PCDHGA2: variants seen among roughly 807,000 people sequenced by gnomAD.
The protein encoded by PCDHGA2 is protocadherin gamma-A2.
In PCDHGA2, 40 loss-of-function variants were observed where a neutral mutation model predicts 59.2. The ratio of observed to expected loss-of-function variants is 0.68; its 90% CI spans 0.52 to 0.88. The LOEUF (loss-of-function observed/expected upper bound fraction) is 0.88, where lower values mean the gene tolerates loss of function less well. PCDHGA2 is among the 40% of genes least tolerant of loss of function. The probability of loss-of-function intolerance (pLI) is 0.00; values close to 1 mark genes in which losing one functional copy is unlikely to be tolerated. For missense variants in PCDHGA2, 1,226 were observed against 1,204.0 expected, an observed-to-expected ratio of 1.02 and a Z score of -0.27; for synonymous variants, 560 against 526.0, an observed-to-expected ratio of 1.06 and a Z score of -0.89.
intron 1 of PCDHGA2, among the ~76,000 whole-genome samples, chr5:141,475,364 G>C (rs2099362607): frequency 6.6e-6 from 1 of 152,200 alleles, no homozygotes; most frequent in Admixed American, 6.5e-5. Flanking sequence ...AATAAAATCT[G>C]AATTGTACTT....
At position 141,340,742 on chromosome 5, in the gene PCDHGA2, G is replaced by T. The variant is rs528378517; in HGVS notation, c.1771G>T (p.Val591Leu). The T allele has an allele frequency of 3.7e-6, 6 of 1,614,086 alleles. No homozygotes were observed. Among genetic ancestry groups the T allele is most frequent in the Middle Eastern group, 1.7e-4 (1 of 6,026 alleles). The change falls in exon 1 of 4, where the codon GTG (valine) becomes TTG (leucine). Residue 591 changes from valine to leucine, a missense_variant. Coordinates refer to ENST00000394576, the MANE Select transcript of PCDHGA2 (RefSeq NM_018915.4). ...SAEPGYLVTK[V>L]VAVDRDSGQN... is the part of the protein sequence containing the mutation. ...AGAGCCCGGCTACCTGGTGACCAAG[G>T]TGGTGGCGGTGGACAGAGACTCGGG...
intron 1 of PCDHGA2, chr5:141,399,613 G>A: frequency 6.2e-7 from 1 of 1,613,928 alleles, no homozygotes; most frequent in Non-Finnish European, 8.5e-7. Context: ...AGAGCCTCTG[G>A]CACTGGCCTC....
chr5:141,385,283 T>C, intron 1 of PCDHGA2: 1 of 1,613,444 alleles, frequency 6.2e-7, no homozygotes, highest in Non-Finnish European at 8.5e-7. Flanking sequence ...CTAACATCCG[T>C]AGATTTTCAG....
chr5:141,476,839 G>A lies in PCDHGA2; in HGVS notation c.2425-17968G>A, dbSNP rs372676286. The A allele has an allele frequency of 5.0e-6, 8 of 1,613,490 alleles. No homozygotes were observed. Among genetic ancestry groups the A allele is most frequent in the South Asian group, 1.1e-5 (1 of 91,088 alleles). On this transcript the variant is annotated intron_variant, in intron 1 of 3. Transcript: ENST00000394576. The surrounding 1 kb of genome is among the most constrained non-coding windows in gnomAD (Gnocchi z 7.6). ...AGGTGCTGGACGCGAATGACAATGC[G>A]CCTGTCTTCAACCAGTCCTTGTACC...
chr5:141,409,486 C>T, intron 1 of PCDHGA2: 1 of 1,613,992 alleles, frequency 6.2e-7, no homozygotes, highest in Non-Finnish European at 8.5e-7. Context: ...CTGACAGGGG[C>T]AAGCCGCCTC....
At chr5:141,375,704 C>T in intron 1 of PCDHGA2, 2 of 1,614,268 alleles carry the variant, frequency 1.2e-6, no homozygotes, top group Non-Finnish European at 1.7e-6. Flanking sequence ...CGGGGACCCG[C>T]CTCTTAGCAG....
At chr5:141,504,594 C>T (rs2099839378) in intron 2 of PCDHGA2, among the ~76,000 whole-genome samples, 2 of 140,288 alleles carry the variant, frequency 1.4e-5, no homozygotes, top group South Asian at 4.4e-4. Context: ...GGATTCACAG[C>T]AAGAGGGAAC....
chr5:141,425,426 A>T (rs1227154364), intron 1 of PCDHGA2, among the ~76,000 whole-genome samples: 1 of 152,236 alleles, frequency 6.6e-6, no homozygotes, highest in African/African-American at 2.4e-5. Flanking sequence ...AGTCCCATTA[A>T]ATAGAGGATA....
chr5:141,342,394 T>C (rs570312446), intron 1 of PCDHGA2: 2 of 152,320 alleles, frequency 1.3e-5, no homozygotes, highest in East Asian at 1.9e-4. Flanking sequence ...ATGTATTTAA[T>C]AACAGAGAAT....
At chr5:141,379,313 A>G (rs1053297201) in intron 1 of PCDHGA2, 11 of 152,382 alleles carry the variant, frequency 7.2e-5, no homozygotes, top group Non-Finnish European at 1.5e-4. Flanking sequence ...CCTAAACAAG[A>G]GATCTAATCA....
At chr5:141,348,480 G>C (rs1383228758) in intron 1 of PCDHGA2, among the ~76,000 whole-genome samples, 2 of 152,076 alleles carry the variant, frequency 1.3e-5, no homozygotes, top group Non-Finnish European at 2.9e-5. Context: ...CACTTTCCCT[G>C]TAAGGAGAAA....
chr5:141,405,901 G>A (rs954255473), intron 1 of PCDHGA2, among the ~76,000 whole-genome samples: 1 of 152,092 alleles, frequency 6.6e-6, no homozygotes, highest in Non-Finnish European at 1.5e-5. Context: ...ACTGAAAGGA[G>A]GCATTTATTA....
At chr5:141,413,450 G>T (rs2095642221) in intron 1 of PCDHGA2, 1 of 1,614,148 alleles carries the variant, frequency 6.2e-7, no homozygotes, top group Non-Finnish European at 8.5e-7. Context: ...ATCACCGCGG[G>T]CAGGATAGAC....
intron 1 of PCDHGA2, among the ~76,000 whole-genome samples, chr5:141,425,691 T>C (rs1411905655): frequency 6.6e-6 from 1 of 152,238 alleles, no homozygotes. Context: ...TGCATATCAT[T>C]TCATAGTGGT....
intron 1 of PCDHGA2, chr5:141,374,792 G>A (rs1588751016): frequency 6.2e-7 from 1 of 1,613,898 alleles, no homozygotes; most frequent in Non-Finnish European, 8.5e-7. Context: ...AGATGTGAAT[G>A]ACAACACTCC....
chr5:141,357,521 G>C, intron 1 of PCDHGA2: 1 of 1,614,228 alleles, frequency 6.2e-7, no homozygotes, highest in Non-Finnish European at 8.5e-7. Flanking sequence ...TCCCAACCCA[G>C]CTATGCAGAC....
chr5:141,355,648 G>T (rs11575949), intron 1 of PCDHGA2: 1 of 1,613,846 alleles, frequency 6.2e-7, no homozygotes. Flanking sequence ...AAATCCTGGG[G>T]CAAGATTTCC....
At chr5:141,396,015 T>C (rs1243437259) in intron 1 of PCDHGA2, 1 of 152,252 alleles carries the variant, frequency 6.6e-6, no homozygotes, top group South Asian at 2.1e-4. Context: ...AAAGTGACTT[T>C]TGTAAAATAT....
chr5:141,445,048 A>G (rs1364884310), intron 1 of PCDHGA2, among the ~76,000 whole-genome samples: 4 of 152,234 alleles, frequency 2.6e-5, no homozygotes, highest in Non-Finnish European at 5.9e-5. Flanking sequence ...TTTTCAGTGT[A>G]GAGAGGTCAT....
Sources: gnomAD v4.1 joint callset for allele counts (sites outside exome capture counted in the v4.1 genomes callset) on GRCh38, gnomAD v4.1.1 for gene constraint, Gnocchi (gnomAD v3.1) non-coding constraint, MANE v1.5 for transcripts, NCBI Gene and HGNC (gene_info 2026-07-23, HGNC 2026-07-21) for gene names.